TTLL5: variants seen among roughly 807,000 people sequenced by gnomAD.
TTLL5 encodes the protein tubulin polyglutamylase TTLL5.
A neutral mutation model predicts 168.4 loss-of-function variants in TTLL5; 132 were observed. The observed-to-expected ratio is 0.78, with a 90% CI of 0.68 to 0.91. TTLL5 has a LOEUF of 0.91. Among genes scored for constraint, TTLL5 ranks in the 40% least tolerant of loss-of-function variants. The pLI is 0.00. For synonymous variants in TTLL5, 546 were observed against 558.6 expected (o/e 0.98, Z 0.32); for missense variants, 1,545 against 1,581.5 (o/e 0.98, Z 0.39).
Position 75,863,817 on chromosome 14 carries a change from A to C in TTLL5, c.3477A>C (p.Lys1159Asn). ...CCCTGCAGCAACTTGAACAACAAAA[A>C]CTTCAGTCCCGGCAGCTCCTGGACC... Reference protein sequence around the residue: ...QFALQQLEQQKLQSRQLLDQS... With the variant: ...QFALQQLEQQNLQSRQLLDQS... Residue 1159 changes from lysine (K) to asparagine (N), a missense_variant, in exon 29 of 32, where the codon AAA (lysine) becomes AAC (asparagine). Coordinates refer to ENST00000298832, the MANE Select transcript of TTLL5 (RefSeq NM_015072.5). 1 of 1,587,184 alleles carries C rather than the reference A, an allele frequency of 6.3e-7. No individual in the cohort carries two copies. The highest frequency in any genetic ancestry group is 8.6e-7 in the Non-Finnish European group (1 of 1,165,768).
intron 30 of TTLL5, among the ~76,000 whole-genome samples, chr14:75,885,193 TTAAAA>T (rs1476856103): frequency 2.0e-5 from 2 of 101,936 alleles, no homozygotes; most frequent in East Asian, 3.1e-4. Flanking sequence ...AATTAATTAA[TTAAAA>T]TAAAAAAACT....
intron 31 of TTLL5, among the ~76,000 whole-genome samples, chr14:75,935,413 G>A (rs2034405996): frequency 6.6e-6 from 1 of 152,192 alleles, no homozygotes; most frequent in Admixed American, 6.5e-5. Context: ...TCTCTTGGGT[G>A]AGCCTTTAAG....
chr14:75,924,072 T>C (rs2033920424), intron 31 of TTLL5, among the ~76,000 whole-genome samples: 1 of 148,258 alleles, frequency 6.7e-6, no homozygotes, highest in Non-Finnish European at 1.5e-5. Context: ...TCCATTTGCC[T>C]GGTAGATCTT....
intron 28 of TTLL5, among the ~76,000 whole-genome samples, chr14:75,846,300 G>C (rs1405918633): frequency 6.6e-6 from 1 of 152,194 alleles, no homozygotes; most frequent in African/African-American, 2.4e-5. Flanking sequence ...GGGAAATCTT[G>C]TGACTCTAGG....
chr14:75,865,977 G>A (rs1021407011), intron 29 of TTLL5, among the ~76,000 whole-genome samples: 4 of 152,108 alleles, frequency 2.6e-5, no homozygotes, highest in East Asian at 1.9e-4. Flanking sequence ...CCCCGAACCC[G>A]TTCTTCTAAA....
rs530990063 is a variant in TTLL5, at chr14:75,737,446, T to G, written c.1281+2157T>G. The G allele has an allele frequency of 4.2e-6, 4 of 950,178 alleles. No individual in the cohort carries two copies. The South Asian group carries it at 7.0e-5, about 17-fold the overall frequency. 58.9% of individuals were successfully genotyped at this position (950,178 alleles called of 1,614,324 possible). On this transcript the variant is annotated intron_variant, in intron 15 of 31. Coordinates refer to ENST00000298832, the MANE Select transcript of TTLL5 (RefSeq NM_015072.5). ...TTCCAACCACAAAGTGTAGGGCTCTTGCTTTTGGTTTCTGCTTGGAGATTA... is the reference window on the plus strand; with the variant it reads ...TTCCAACCACAAAGTGTAGGGCTCTGGCTTTTGGTTTCTGCTTGGAGATTA...
At chr14:75,677,821 G>A (rs568109865) in intron 3 of TTLL5, among the ~76,000 whole-genome samples, 7 of 149,866 alleles carry the variant, frequency 4.7e-5, no homozygotes, top group South Asian at 2.1e-4. Flanking sequence ...TGTTAGTGAC[G>A]AGGTCTCGCT....
chr14:75,949,990 T>A (rs1371146545), intron 31 of TTLL5, among the ~76,000 whole-genome samples: 1 of 152,190 alleles, frequency 6.6e-6, no homozygotes, highest in Non-Finnish European at 1.5e-5. Context: ...ACCCTTATAC[T>A]CCTATAAAGA....
chr14:75,698,346 A>AC (rs1886013764), intron 6 of TTLL5, among the ~76,000 whole-genome samples: 1 of 152,188 alleles, frequency 6.6e-6, no homozygotes, highest in Non-Finnish European at 1.5e-5. Context: ...GACAAATGGC[A>AC]CCTTTTAATC....
intron 30 of TTLL5, among the ~76,000 whole-genome samples, chr14:75,889,936 A>AGGG (rs1555354391): frequency 7.0e-6 from 1 of 142,856 alleles, no homozygotes; most frequent in African/African-American, 2.5e-5. Context: ...AGAAGGAAGG[A>AGGG]AGGGAGGGAG....
intron 19 of TTLL5, 81 bp downstream of exon 19, chr14:75,764,853 C>A: frequency 6.6e-7 from 1 of 1,515,090 alleles, no homozygotes; most frequent in South Asian, 1.2e-5. Flanking sequence ...CTCAGTATTT[C>A]ATGAGTCAGA....
At chr14:75,917,772 C>T (rs2140130232) in intron 31 of TTLL5, among the ~76,000 whole-genome samples, 1 of 152,258 alleles carries the variant, frequency 6.6e-6, no homozygotes, top group Middle Eastern at 3.4e-3. Context: ...AGATGAAGCT[C>T]TGCAGCAGAG....
intron 28 of TTLL5, among the ~76,000 whole-genome samples, chr14:75,843,996 G>C (rs1896403042): frequency 6.6e-6 from 1 of 151,670 alleles, no homozygotes; most frequent in African/African-American, 2.4e-5. Flanking sequence ...AAGTTCAGGA[G>C]ATTCTCCTGC....
At chr14:75,849,751 T>C (rs1294964069) in intron 28 of TTLL5, among the ~76,000 whole-genome samples, 2 of 152,192 alleles carry the variant, frequency 1.3e-5, no homozygotes, top group East Asian at 3.8e-4. Context: ...CAAGGCATAA[T>C]GAAATCTTGT....
intron 17 of TTLL5, among the ~76,000 whole-genome samples, chr14:75,749,803 C>T (rs10145161): frequency 0.76 from 115,961 of 151,988 alleles, 44,505 homozygotes; most frequent in Admixed American, 0.8. Flanking sequence ...TATTAGTACA[C>T]ATATATTATC....
At chr14:75,731,370 T>TACACACACACAC (rs1217242558) in intron 12 of TTLL5, among the ~76,000 whole-genome samples, 39 of 78,636 alleles carry the variant, frequency 5.0e-4, no homozygotes, top group African/African-American at 1.8e-3. Context: ...AATATACACA[T>TACACACACACAC]ACATACACAC....
intron 12 of TTLL5, among the ~76,000 whole-genome samples, chr14:75,731,971 T>C (rs1888574852): frequency 6.6e-6 from 1 of 151,458 alleles, no homozygotes; most frequent in Non-Finnish European, 1.5e-5. Flanking sequence ...TTGGTGTTGG[T>C]TGTGCTTGTT....
chr14:75,730,019 C>T (rs1426670889), intron 12 of TTLL5, among the ~76,000 whole-genome samples: 1 of 152,176 alleles, frequency 6.6e-6, no homozygotes, highest in East Asian at 1.9e-4. Flanking sequence ...ATTCTGTAAA[C>T]CTGATCAATA....
intron 24 of TTLL5, among the ~76,000 whole-genome samples, chr14:75,780,841 T>C (rs1892004934): frequency 6.6e-6 from 1 of 152,216 alleles, no homozygotes; most frequent in Non-Finnish European, 1.5e-5. Context: ...TCTAACTTCA[T>C]TCACCTGTTC....
Sources: allele counts gnomAD v4.1 joint callset (sites outside exome capture counted in the v4.1 genomes callset), GRCh38; gene constraint gnomAD v4.1.1; transcripts MANE v1.5; gene names NCBI Gene and HGNC (gene_info 2026-07-23, HGNC 2026-07-21).